GLI2: variants seen among roughly 807,000 people sequenced by gnomAD.
GLI2 encodes transcription activator GLI2.
Under a neutral mutation model 78.9 loss-of-function variants are expected in GLI2, and 22 were observed. That is an observed-to-expected ratio of 0.28 (90% CI 0.20 to 0.40). The LOEUF is 0.40. Among genes scored for constraint, GLI2 ranks in the 10% least tolerant of loss-of-function variants. The pLI, the probability that GLI2 is intolerant of heterozygous loss-of-function variation, is 1.00. For synonymous variants in GLI2, 974 were observed against 963.7 expected (o/e 1.01, Z -0.20); for missense variants, 2,097 against 2,213.2 (o/e 0.95, Z 1.05).
chr2:120,960,126 G>T (rs1279582909), intron 5 of GLI2, among the ~76,000 whole-genome samples: 1 of 152,186 alleles, frequency 6.6e-6, no homozygotes, highest in African/African-American at 2.4e-5. Context: ...CTCGGTTCTA[G>T]GTCTAGGGAC....
chr2:120,763,247 A>T (rs1204247499), intron 1 of GLI2, among the ~76,000 whole-genome samples: 2 of 152,154 alleles, frequency 1.3e-5, no homozygotes, highest in African/African-American at 2.4e-5. Flanking sequence ...TGGCTCTCAG[A>T]TCTGTGTGTT....
At chr2:120,944,390 A>G (rs1478980902) in intron 3 of GLI2, among the ~76,000 whole-genome samples, 1 of 152,086 alleles carries the variant, frequency 6.6e-6, no homozygotes, top group Non-Finnish European at 1.5e-5. Flanking sequence ...CAGCTGCCCC[A>G]CCTGCAGGCA....
At chr2:120,965,515 G>A (rs912273094) in intron 5 of GLI2, among the ~76,000 whole-genome samples, 1 of 149,808 alleles carries the variant, frequency 6.7e-6, no homozygotes, top group Non-Finnish European at 1.5e-5. Flanking sequence ...ACTCCAGCCG[G>A]GATGCAGATG....
intron 2 of GLI2, among the ~76,000 whole-genome samples, chr2:120,811,298 G>A (rs1194472253): frequency 6.6e-6 from 1 of 152,178 alleles, no homozygotes; most frequent in Non-Finnish European, 1.5e-5. Flanking sequence ...AAGCAGCAAG[G>A]AGTCCTCTGG....
intron 2 of GLI2, among the ~76,000 whole-genome samples, chr2:120,921,379 A>G (rs1416733673): frequency 6.6e-6 from 1 of 152,028 alleles, no homozygotes; most frequent in Non-Finnish European, 1.5e-5. Flanking sequence ...CATTATACAT[A>G]CAGGGCCACA....
At chr2:120,915,253 C>G (rs1679035265) in intron 2 of GLI2, among the ~76,000 whole-genome samples, 1 of 152,214 alleles carries the variant, frequency 6.6e-6, no homozygotes, top group South Asian at 2.1e-4. Flanking sequence ...GCAGAGGCCA[C>G]GGGTCCTGCT....
At chr2:120,809,743 T>C (rs1685145482) in intron 2 of GLI2, among the ~76,000 whole-genome samples, 1 of 152,126 alleles carries the variant, frequency 6.6e-6, no homozygotes, top group African/African-American at 2.4e-5. Context: ...ATCTAATCTA[T>C]AGGCCCCAGA....
chr2:120,940,868 G>A (rs1680416501), intron 3 of GLI2, among the ~76,000 whole-genome samples: 1 of 152,242 alleles, frequency 6.6e-6, no homozygotes, highest in Non-Finnish European at 1.5e-5. Context: ...GCAGCCACCT[G>A]CCCCCTCACT....
intron 1 of GLI2, among the ~76,000 whole-genome samples, chr2:120,742,365 C>T (rs1682576005): frequency 6.6e-6 from 1 of 152,164 alleles, no homozygotes; most frequent in East Asian, 1.9e-4. Context: ...AGCAATGCTT[C>T]TTTGTGTGCT....
intron 2 of GLI2, among the ~76,000 whole-genome samples, chr2:120,832,966 A>C (rs1686435955): frequency 6.6e-6 from 1 of 151,876 alleles, no homozygotes; most frequent in South Asian, 2.1e-4. Flanking sequence ...GAAGGATGGG[A>C]TGTACTAGGT....
At chr2:120,874,084 A>G (rs1573516942) in intron 2 of GLI2, among the ~76,000 whole-genome samples, 1 of 151,588 alleles carries the variant, frequency 6.6e-6, no homozygotes, top group Admixed American at 6.6e-5. Context: ...CCTCCTCCTC[A>G]CCCCAGAGGC....
chr2:120,893,308 C>T (rs1677769842), intron 2 of GLI2, among the ~76,000 whole-genome samples: 2 of 152,174 alleles, frequency 1.3e-5, no homozygotes, highest in Admixed American at 6.5e-5. Context: ...TCTTTTCAAA[C>T]CCTGGTGGCC....
At chr2:120,879,271 G>A (rs988512076) in intron 2 of GLI2, among the ~76,000 whole-genome samples, 1 of 152,184 alleles carries the variant, frequency 6.6e-6, no homozygotes, top group African/African-American at 2.4e-5. Flanking sequence ...AGATGAAAAA[G>A]GGCTTGGTAC....
In GLI2 at chr2:120,843,628, C is replaced by T. The variant is rs115404835; in HGVS notation, c.148+46160C>T. 2.1e-3 allele frequency among the ~76,000 whole-genome samples: 318 copies of T among 152,248 alleles called. 1 individual carries two copies. Among genetic ancestry groups the T allele is most frequent in the African/African-American group, 7.3e-3 (304 of 41,564 alleles). On this transcript the variant is annotated intron_variant, in intron 2 of 13. Transcript: ENST00000361492. ...GCTGGGACTCTGCAGGTTCCACGGGCGTCAGAGGGGCTCTGGATCAGGGAG... is the reference window on the plus strand; with the variant it reads ...GCTGGGACTCTGCAGGTTCCACGGGTGTCAGAGGGGCTCTGGATCAGGGAG...
At chr2:120,764,235 G>A (rs1323935947) in intron 1 of GLI2, among the ~76,000 whole-genome samples, 1 of 152,254 alleles carries the variant, frequency 6.6e-6, no homozygotes, top group Non-Finnish European at 1.5e-5. Flanking sequence ...GCAGCCGGAG[G>A]CTGCAGGGGA....
chr2:120,914,656 C>A (rs1679004027), intron 2 of GLI2, among the ~76,000 whole-genome samples: 1 of 152,178 alleles, frequency 6.6e-6, no homozygotes, highest in Admixed American at 6.5e-5. Context: ...TCACCCCAGT[C>A]TCCCACCCCT....
chr2:120,833,650 A>T (rs968213286), intron 2 of GLI2, among the ~76,000 whole-genome samples: 1 of 152,040 alleles, frequency 6.6e-6, no homozygotes, highest in Non-Finnish European at 1.5e-5. Flanking sequence ...TGGTGTTCAG[A>T]CATCACAACA....
At chr2:120,862,792 G>A (rs974101575) in intron 2 of GLI2, among the ~76,000 whole-genome samples, 6 of 152,236 alleles carry the variant, frequency 3.9e-5, no homozygotes, top group African/African-American at 1.4e-4. Flanking sequence ...GGCTGGCCCC[G>A]GCTCAGAGCG....
rs1684676329 is a variant in GLI2, at chr2:120,800,863, T to C, written c.148+3395T>C. Reference sequence around the variant, plus strand: ...CTGACTTATTACACATCAGAGAAGGTGTGGGGTGGGTGGGTCTTATCTGAG... The same window carrying C: ...CTGACTTATTACACATCAGAGAAGGCGTGGGGTGGGTGGGTCTTATCTGAG... On this transcript the variant is annotated intron_variant, in intron 2 of 13. Transcript: ENST00000361492. This position sits in a 1 kb window ranked among gnomAD's most constrained non-coding sequence, Gnocchi z 4.1. 6.6e-6 allele frequency among the ~76,000 whole-genome samples: 1 copy of C among 152,086 alleles called. No individual in the cohort carries two copies. The highest frequency in any genetic ancestry group is 6.5e-5 in the Admixed American group (1 of 15,268).
Sources: allele counts gnomAD v4.1 joint callset (sites outside exome capture counted in the v4.1 genomes callset), GRCh38; gene constraint gnomAD v4.1.1; non-coding constraint Gnocchi (gnomAD v3.1); transcripts MANE v1.5; gene names NCBI Gene and HGNC (gene_info 2026-07-23, HGNC 2026-07-21).